Variants in ATP8A2 observed in about 807,000 individuals in gnomAD.
The protein encoded by ATP8A2 is phospholipid-transporting ATPase IB.
A neutral mutation model predicts 165.6 loss-of-function variants in ATP8A2; 100 were observed. The ratio of observed to expected loss-of-function variants is 0.60; its 90% CI spans 0.51 to 0.71. ATP8A2 has a LOEUF of 0.71. Ranked by LOEUF, ATP8A2 falls within the 30% of genes least tolerant of loss-of-function variation. The pLI is 0.00. For missense variants in ATP8A2, 1,227 were observed against 1,479.5 expected (o/e 0.83, Z 2.80); for synonymous variants, 543 against 548.8 (o/e 0.99, Z 0.15).
At chr13:25,777,521 T>C (rs902346965) in intron 27 of ATP8A2, among the ~76,000 whole-genome samples, 3 of 152,072 alleles carry the variant, frequency 2.0e-5, no homozygotes, top group Admixed American at 6.5e-5. Context: ...ATACATTACT[T>C]ATTTATCTTA....
At chr13:25,934,196 A>G (rs1954830297) in intron 33 of ATP8A2, among the ~76,000 whole-genome samples, 1 of 152,216 alleles carries the variant, frequency 6.6e-6, no homozygotes, top group South Asian at 2.1e-4. Context: ...TTCTACCCCA[A>G]CAAAGCAGCC....
chr13:25,430,383 TG>T (rs1317080151), intron 1 of ATP8A2, among the ~76,000 whole-genome samples: 2 of 152,056 alleles, frequency 1.3e-5, no homozygotes, highest in African/African-American at 4.8e-5. Flanking sequence ...GCTGCAAGAA[TG>T]GGGGATGCCA....
chr13:26,002,091 A>G (rs963555962), intron 35 of ATP8A2, among the ~76,000 whole-genome samples: 1 of 152,232 alleles, frequency 6.6e-6, no homozygotes, highest in African/African-American at 2.4e-5. Context: ...AAATGATTAA[A>G]TCAAGCTAAT....
rs2043036055 is a variant in ATP8A2 at position 25,705,387 on chromosome 13, G to A, written c.2384+6042G>A. The A allele has an allele frequency of 1.7e-5, 3 of 173,014 alleles. 1 individual carries two copies. In the South Asian group the frequency reaches 3.7e-4, roughly 21 times the overall value. 10.7% of individuals were successfully genotyped at this position (173,014 alleles called of 1,614,324 possible). A position where few individuals can be genotyped will look rare whatever the true frequency, so the allele number is the denominator to read the frequency against. ...GGGGCCGCTGGGCACTGCCTCATTA[G>A]CAGATGTGATTTACGGCTTCACATC... On this transcript the variant is annotated intron_variant, in intron 25 of 36. Transcript: ENST00000381655.
At chr13:25,809,282 C>T (rs1950809910) in intron 27 of ATP8A2, among the ~76,000 whole-genome samples, 1 of 152,070 alleles carries the variant, frequency 6.6e-6, no homozygotes, top group Non-Finnish European at 1.5e-5. Flanking sequence ...ACCTCAGCAT[C>T]TCGCAGTATA....
At chr13:25,792,861 C>T (rs946055573) in intron 27 of ATP8A2, among the ~76,000 whole-genome samples, 2 of 151,392 alleles carry the variant, frequency 1.3e-5, no homozygotes, top group African/African-American at 4.9e-5. Flanking sequence ...GAGGTCGAGG[C>T]TGCAGTGAGC....
At chr13:25,758,652 GCCA>G (rs1485151436) in intron 25 of ATP8A2, among the ~76,000 whole-genome samples, 1 of 152,084 alleles carries the variant, frequency 6.6e-6, no homozygotes, top group African/African-American at 2.4e-5. Context: ...TCATCCACCT[GCCA>G]CCACCACCAC....
chr13:25,968,056 G>A (rs915932591), intron 34 of ATP8A2, among the ~76,000 whole-genome samples: 5 of 152,152 alleles, frequency 3.3e-5, no homozygotes, highest in Non-Finnish European at 7.3e-5. Context: ...TTTGCATCCA[G>A]ACCATGCACT....
chr13:25,426,393 C>T (rs2034449589), intron 1 of ATP8A2, among the ~76,000 whole-genome samples: 1 of 152,148 alleles, frequency 6.6e-6, no homozygotes. Flanking sequence ...ATGAGGGCAG[C>T]ACCAAGCTTT....
At chr13:25,646,457 G>A (rs765966023) in intron 24 of ATP8A2, among the ~76,000 whole-genome samples, 4 of 151,756 alleles carry the variant, frequency 2.6e-5, no homozygotes, top group South Asian at 2.1e-4. Context: ...AGTTCAAGAC[G>A]ATCCTGGCCA....
At chr13:25,941,342 A>G (rs1319648686) in intron 33 of ATP8A2, among the ~76,000 whole-genome samples, 1 of 151,940 alleles carries the variant, frequency 6.6e-6, no homozygotes, top group Non-Finnish European at 1.5e-5. Context: ...TTGTGTCCTG[A>G]AGGAAATCTG....
chr13:25,627,629 C>G (rs1406073950), intron 24 of ATP8A2, among the ~76,000 whole-genome samples: 1 of 152,142 alleles, frequency 6.6e-6, no homozygotes, highest in African/African-American at 2.4e-5. Context: ...TTGGCTGACA[C>G]CTTGATCTTT....
intron 24 of ATP8A2, among the ~76,000 whole-genome samples, chr13:25,676,075 A>T (rs2042366190): frequency 1.3e-5 from 2 of 152,138 alleles, no homozygotes; most frequent in Non-Finnish European, 2.9e-5. Flanking sequence ...AGAAAAAAAA[A>T]TGTATATGTA....
intron 35 of ATP8A2, among the ~76,000 whole-genome samples, chr13:25,979,658 A>G (rs1211229862): frequency 6.6e-6 from 1 of 152,244 alleles, no homozygotes; most frequent in African/African-American, 2.4e-5. Context: ...TCCACGCAAC[A>G]GACATTTATT....
chr13:25,435,948 T>TGA (rs1398077156), intron 1 of ATP8A2, among the ~76,000 whole-genome samples: 9 of 65,764 alleles, frequency 1.4e-4, no homozygotes, highest in African/African-American at 5.2e-4. Context: ...TGTGTGTGTG[T>TGA]GTGAGTGTGT....
rs774444013 is a variant in ATP8A2, at chr13:25,372,186, G to A, written c.-27G>A. 20 of 1,417,420 alleles carry A rather than the reference G, an allele frequency of 1.4e-5. No homozygotes were observed. In the South Asian group the frequency reaches 2.4e-4, roughly 17 times the overall value. The allele number at this position is 1,417,420 out of a possible 1,614,324, so 87.8% of individuals were successfully genotyped here. ...CGCGTAGCCTCCGTCTCTCGCCCGG[G>A]GCCGCCGAGCCCCCGACACGGGCGA... is the stretch of plus-strand genomic sequence containing the variant. On this transcript the variant is annotated 5_prime_UTR_variant, in exon 1 of 37. Transcript: ENST00000381655. This position sits in a 1 kb window ranked among gnomAD's most constrained non-coding sequence, Gnocchi z 4.8.
chr13:26,014,733 AG>A (rs1956928610), intron 36 of ATP8A2, among the ~76,000 whole-genome samples: 1 of 152,344 alleles, frequency 6.6e-6, no homozygotes, highest in Admixed American at 6.5e-5. Context: ...GTGTCTATAT[AG>A]GCAATATAGG....
intron 1 of ATP8A2, among the ~76,000 whole-genome samples, chr13:25,415,153 G>T (rs189309265): frequency 3.9e-4 from 60 of 152,340 alleles, no homozygotes; most frequent in Admixed American, 3.1e-3. Context: ...AGCACAGAAT[G>T]TTATTCACTG....
At chr13:25,465,696 TTTCTTTC>T (rs2035625414) in intron 1 of ATP8A2, among the ~76,000 whole-genome samples, 2 of 20,368 alleles carry the variant, frequency 9.8e-5, no homozygotes, top group Admixed American at 6.0e-4. Flanking sequence ...TCTTTCTTTC[TTTCTTTC>T]TTTCTTTCTT....
Sources: gnomAD v4.1 joint callset for allele counts (sites outside exome capture counted in the v4.1 genomes callset) on GRCh38, gnomAD v4.1.1 for gene constraint, Gnocchi (gnomAD v3.1) non-coding constraint, MANE v1.5 for transcripts, NCBI Gene and HGNC (gene_info 2026-07-23, HGNC 2026-07-21) for gene names.